Variants in TMEM204 observed in about 807,000 individuals in gnomAD.
TMEM204 encodes claudin-like protein 24.
A neutral mutation model predicts 19.4 loss-of-function variants in TMEM204; 15 were observed. The observed-to-expected ratio is 0.77, with a 90% CI of 0.52 to 1.19. TMEM204 has a LOEUF of 1.19. Among genes scored for constraint, TMEM204 ranks in the 50% most tolerant of loss-of-function variants. TMEM204 has a pLI of 0.00. For synonymous variants in TMEM204, 161 were observed against 146.0 expected (o/e 1.10, Z -0.74); for missense variants, 287 against 321.2 (o/e 0.89, Z 0.81).
At chr16:1,539,172 C>T (rs958644141) in intron 1 of TMEM204, among the ~76,000 whole-genome samples, 26 of 149,016 alleles carry the variant, frequency 1.7e-4, no homozygotes, top group African/African-American at 5.5e-4. Context: ...CACAGTGCCA[C>T]GCCGCCCCAC....
At chr16:1,540,654 CTG>C (rs2031544423) in intron 1 of TMEM204, among the ~76,000 whole-genome samples, 1 of 152,238 alleles carries the variant, frequency 6.6e-6, no homozygotes, top group Non-Finnish European at 1.5e-5. Context: ...ATTCTGGTGT[CTG>C]TGATGGATGC....
rs528441176 is a variant in TMEM204 at position 1,534,227 on chromosome 16, G to A, written c.-49G>A. 8 of 1,597,802 alleles carry A rather than the reference G, an allele frequency of 5.0e-6. No individual in the cohort carries two copies. Among genetic ancestry groups the A allele is most frequent in the South Asian group, 2.2e-5 (2 of 90,290 alleles). The stretch of plus-strand genomic sequence containing the variant: ...CGGCTCTCCCTGGACGTGCGGCCGC[G>A]GACTGGGACTTGGCTTTCTCCGGAT... On this transcript the variant is annotated 5_prime_UTR_variant, in exon 1 of 3. Transcript: ENST00000566264.
chr16:1,542,141 G>A, intron 2 of TMEM204, 65 bp downstream of exon 2: 3 of 1,462,442 alleles, frequency 2.1e-6, no homozygotes, highest in Non-Finnish European at 2.7e-6. Context: ...TGCCACAGGA[G>A]GGTCCTGAGG....
Position 1,542,093 on chromosome 16 carries a change from G to T in TMEM204, c.436+17G>T, listed in dbSNP as rs1567349045. 1.3e-6 allele frequency: 2 copies of T among 1,584,972 alleles called. No individual in the cohort carries two copies. The highest frequency in any genetic ancestry group is 1.7e-6 in the Non-Finnish European group (2 of 1,166,870). On this transcript the variant is annotated intron_variant, in intron 2 of 2. Transcript: ENST00000566264. ...AACTGGCGAGTAAGTACCTGGGCGGGTGTGGCCACCGCGCCCTTGCCCCCT... is the reference window on the plus strand; with the variant it reads ...AACTGGCGAGTAAGTACCTGGGCGGTTGTGGCCACCGCGCCCTTGCCCCCT...
chr16:1,546,234 G>A (rs1228111819), intron 2 of TMEM204, among the ~76,000 whole-genome samples: 1 of 152,196 alleles, frequency 6.6e-6, no homozygotes, highest in Admixed American at 6.5e-5. Flanking sequence ...GGCACCTGAC[G>A]CCTGAGTGGC....
At chr16:1,545,950 C>A (rs1416346159) in intron 2 of TMEM204, among the ~76,000 whole-genome samples, 1 of 152,218 alleles carries the variant, frequency 6.6e-6, no homozygotes, top group African/African-American at 2.4e-5. Context: ...GTGCGGGGAC[C>A]CCACTGTCCT....
Position 1,553,762 on chromosome 16 carries a change from G to A in TMEM204, c.437-1020G>A. 8.5e-7 allele frequency: 1 copy of A among 1,172,988 alleles called. No homozygotes were observed. The highest frequency in any genetic ancestry group is 1.1e-6 in the Non-Finnish European group (1 of 933,330). The allele number at this position is 1,172,988 out of a possible 1,614,324, so 72.7% of individuals were successfully genotyped here. A position where few individuals can be genotyped will look rare whatever the true frequency, so the allele number is the denominator to read the frequency against. On this transcript the variant is annotated intron_variant, in intron 2 of 2. Transcript: ENST00000566264. This position sits in a 1 kb window ranked among gnomAD's most constrained non-coding sequence, Gnocchi z 4.4. ...GGCTGTAGGGGATGAGGAGGGGCAG[G>A]GCCATGTGGACAGCCTCTCCTCCAT...
At position 1,534,147 on chromosome 16, in the gene TMEM204, G is replaced by A. The variant is rs1227330160; in HGVS notation, c.-129G>A. 14 of 1,240,756 alleles carry A rather than the reference G, an allele frequency of 1.1e-5. No homozygotes were observed. The highest frequency in any genetic ancestry group is 1.5e-5 in the African/African-American group (1 of 65,184). The allele number at this position is 1,240,756 out of a possible 1,614,324, so 76.9% of individuals were successfully genotyped here. A position where few individuals can be genotyped will look rare whatever the true frequency, so the allele number is the denominator to read the frequency against. On this transcript the variant is annotated 5_prime_UTR_variant, in exon 1 of 3. Coordinates refer to ENST00000566264, the MANE Select transcript of TMEM204 (RefSeq NM_024600.6). ...CACCTGGACCATCCCATGGGCCTCC[G>A]CCCGCGCCGCCCCGAGGATGAGTGG...
chr16:1,536,602 C>T (rs1387157150), intron 1 of TMEM204, among the ~76,000 whole-genome samples: 5 of 152,268 alleles, frequency 3.3e-5, no homozygotes, highest in African/African-American at 1.2e-4. Context: ...CAACGGGTAA[C>T]TTTTCTTTAA....
At chr16:1,545,071 T>TA in intron 2 of TMEM204, among the ~76,000 whole-genome samples, 1 of 152,358 alleles carries the variant, frequency 6.6e-6, no homozygotes, top group East Asian at 1.9e-4. Context: ...CAGGACAAGA[T>TA]AGTGTTTCTA....
At chr16:1,546,371 C>G (rs2032172929) in intron 2 of TMEM204, among the ~76,000 whole-genome samples, 1 of 152,196 alleles carries the variant, frequency 6.6e-6, no homozygotes, top group Admixed American at 6.5e-5. Context: ...CTGCAGGAGC[C>G]CAGAGCAGGT....
intron 2 of TMEM204, among the ~76,000 whole-genome samples, chr16:1,543,293 A>C (rs902058162): frequency 6.6e-6 from 1 of 152,262 alleles, no homozygotes; most frequent in Non-Finnish European, 1.5e-5. Flanking sequence ...TCTAGGAATA[A>C]TGATCCTGGG....
At position 1,533,876 on chromosome 16, in the gene TMEM204, C is replaced by CT; in HGVS notation, c.-400_-399insT. 3.6e-6 allele frequency: 1 copy of CT among 280,022 alleles called. No individual in the cohort carries two copies. Among genetic ancestry groups the CT allele is most frequent in the Non-Finnish European group, 6.8e-6 (1 of 146,918 alleles). The allele number at this position is 280,022 out of a possible 1,614,324, so 17.3% of individuals were successfully genotyped here. A position where few individuals can be genotyped will look rare whatever the true frequency, so the allele number is the denominator to read the frequency against. On this transcript the variant is annotated 5_prime_UTR_variant, in exon 1 of 3. Coordinates refer to ENST00000566264, the MANE Select transcript of TMEM204 (RefSeq NM_024600.6). The surrounding 1 kb of genome is among the most constrained non-coding windows in gnomAD (Gnocchi z 4.7). Reference sequence around the variant, plus strand: ...CAGGCCGGTGCTAAGGAGTGTGGCGCGGGCTCGACTCCCACTGCTGCCGGC... The same window carrying CT: ...CAGGCCGGTGCTAAGGAGTGTGGCGCTGGGCTCGACTCCCACTGCTGCCGGC...
At chr16:1,535,752 C>T (rs931583678) in intron 1 of TMEM204, among the ~76,000 whole-genome samples, 1 of 152,236 alleles carries the variant, frequency 6.6e-6, no homozygotes, top group African/African-American at 2.4e-5. Flanking sequence ...CACTCAAAGG[C>T]CCTCGGCTGC....
intron 2 of TMEM204, among the ~76,000 whole-genome samples, chr16:1,550,633 C>T (rs1044302221): frequency 1.3e-5 from 2 of 152,186 alleles, no homozygotes; most frequent in Non-Finnish European, 2.9e-5. Flanking sequence ...GGAGGCCGGG[C>T]TCAGTTCTGC....
chr16:1,544,650 CT>C (rs559942970), intron 2 of TMEM204, among the ~76,000 whole-genome samples: 1 of 151,200 alleles, frequency 6.6e-6, no homozygotes, highest in Non-Finnish European at 1.5e-5. Flanking sequence ...ATTTCTTTTT[CT>C]TTTTTTTCTT....
In TMEM204 at chr16:1,534,093, G is replaced by T; in HGVS notation, c.-183G>T. On this transcript the variant is annotated 5_prime_UTR_variant, in exon 1 of 3. In the 5' UTR this introduces an upstream ATG that the reference lacks. Coordinates refer to ENST00000566264, the MANE Select transcript of TMEM204 (RefSeq NM_024600.6). Reference sequence around the variant, plus strand: ...CCTGGCCCTGCTCCAGGTGCAGGAAGGAGGATAAGGCCGGGCCGAGAGGCG... The same window carrying T: ...CCTGGCCCTGCTCCAGGTGCAGGAATGAGGATAAGGCCGGGCCGAGAGGCG... 1.5e-6 allele frequency: 1 copy of T among 685,332 alleles called. No individual in the cohort carries two copies. 42.5% of individuals were successfully genotyped at this position (685,332 alleles called of 1,614,324 possible).
intron 2 of TMEM204, among the ~76,000 whole-genome samples, chr16:1,549,203 C>G (rs1177191266): frequency 6.6e-6 from 1 of 152,252 alleles, no homozygotes; most frequent in Admixed American, 6.5e-5. Context: ...GTGCTCCAAA[C>G]AGAACCAAAG....
At chr16:1,554,347 A>C (rs913550640) in intron 2 of TMEM204, among the ~76,000 whole-genome samples, 1 of 152,262 alleles carries the variant, frequency 6.6e-6, no homozygotes, top group African/African-American at 2.4e-5. Context: ...CATTTACAAA[A>C]GTCAGAGATG....
Sources: gnomAD v4.1 joint callset for allele counts (sites outside exome capture counted in the v4.1 genomes callset) on GRCh38, gnomAD v4.1.1 for gene constraint, Gnocchi (gnomAD v3.1) non-coding constraint, MANE v1.5 for transcripts, NCBI Gene and HGNC (gene_info 2026-07-23, HGNC 2026-07-21) for gene names.